The following ATE1 variants were observed in gnomAD, a reference collection of about 807,000 sequenced individuals.
The protein encoded by ATE1 is arginyl-tRNA--protein transferase 1.
ATE1 carries 36 observed loss-of-function variants against 70.5 expected under a neutral mutation model. That is an observed-to-expected ratio of 0.51 (90% CI 0.39 to 0.67). ATE1 has a LOEUF of 0.67. ATE1 is among the 30% of genes least tolerant of loss of function. The pLI, the probability that ATE1 is intolerant of heterozygous loss-of-function variation, is 0.00. For synonymous variants in ATE1, 232 were observed against 219.3 expected (o/e 1.06, Z -0.51); for missense variants, 593 against 629.5 (o/e 0.94, Z 0.62).
chr10:121,836,700 T>C lies in ATE1; in HGVS notation c.1257+18A>G. On this transcript the variant is annotated intron_variant, in intron 10 of 11. Transcript: ENST00000224652. Reference sequence around the variant, plus strand: ...TTTTTCTATAATAAAAATACACATATGTGAAAATCAACTTTACCTTATATT... The same window carrying C: ...TTTTTCTATAATAAAAATACACATACGTGAAAATCAACTTTACCTTATATT... The C allele has an allele frequency of 7.2e-7, 1 of 1,395,490 alleles. No individual in the cohort carries two copies. Among genetic ancestry groups the C allele is most frequent in the South Asian group, 1.3e-5 (1 of 77,702 alleles). The allele number at this position is 1,395,490 out of a possible 1,614,324, so 86.4% of individuals were successfully genotyped here. A position where few individuals can be genotyped will look rare whatever the true frequency, so the allele number is the denominator to read the frequency against.
At chr10:121,773,337 A>C in intron 11 of ATE1, among the ~76,000 whole-genome samples, 1 of 152,232 alleles carries the variant, frequency 6.6e-6, no homozygotes, top group East Asian at 1.9e-4. Context: ...GTCATTCAAT[A>C]AGCAAGGTAA....
chr10:121,920,883 A>G (rs974605887), intron 3 of ATE1, among the ~76,000 whole-genome samples: 1 of 151,476 alleles, frequency 6.6e-6, no homozygotes, highest in African/African-American at 2.4e-5. Context: ...AATCCCAGCT[A>G]CTCGGGAGGC....
At position 121,889,026 on chromosome 10, in the gene ATE1, T is replaced by A. The variant is rs561646463; in HGVS notation, c.942+10840A>T. Among the ~76,000 whole-genome samples, 8 of 152,228 alleles carry A rather than the reference T, an allele frequency of 5.3e-5. No homozygotes were observed. In the South Asian group the frequency reaches 1.7e-3, roughly 32 times the overall value. On this transcript the variant is annotated intron_variant, in intron 7 of 11. Coordinates refer to ENST00000224652, the MANE Select transcript of ATE1 (RefSeq NM_001001976.3). ...AGTAATCAACTTATTTATTTATTTATTTTTTTGAGACAGAGTCTCATTCTG... is the reference window on the plus strand; with the variant it reads ...AGTAATCAACTTATTTATTTATTTAATTTTTTGAGACAGAGTCTCATTCTG...
At chr10:121,790,962 A>ATATGTG (rs369054737) in intron 10 of ATE1, among the ~76,000 whole-genome samples, 46,801 of 150,822 alleles carry the variant, frequency 0.31, 7,517 homozygotes, top group Middle Eastern at 0.35. Flanking sequence ...GTATATATAT[A>ATATGTG]TGTGTGTGTA....
At chr10:121,848,293 T>TTCAC (rs1948915664) in intron 8 of ATE1, among the ~76,000 whole-genome samples, 1 of 92,970 alleles carries the variant, frequency 1.1e-5, no homozygotes, top group Admixed American at 9.6e-5. Context: ...CGTTCATTCA[T>TTCAC]TCATTCATTC....
chr10:121,859,184 T>C (rs1949373625), intron 8 of ATE1, among the ~76,000 whole-genome samples: 1 of 152,222 alleles, frequency 6.6e-6, no homozygotes, highest in South Asian at 2.1e-4. Flanking sequence ...ATAATGCTCA[T>C]ATAAAACAGT....
intron 7 of ATE1, among the ~76,000 whole-genome samples, chr10:121,891,938 A>C (rs1214108705): frequency 1.3e-5 from 2 of 152,236 alleles, no homozygotes; most frequent in East Asian, 1.9e-4. Flanking sequence ...AGTCAGTATA[A>C]TGCAAACTTT....
At chr10:121,904,545 G>A (rs1414591809) in intron 5 of ATE1, among the ~76,000 whole-genome samples, 1 of 150,402 alleles carries the variant, frequency 6.6e-6, no homozygotes, top group Non-Finnish European at 1.5e-5. Context: ...GGAGGCTGAG[G>A]CAGGAGAATT....
chr10:121,760,977 G>A (rs961954421), intron 11 of ATE1, among the ~76,000 whole-genome samples: 2 of 152,178 alleles, frequency 1.3e-5, no homozygotes, highest in African/African-American at 4.8e-5. Context: ...TTGGGTCATG[G>A]GGGTGGATCC....
intron 11 of ATE1, among the ~76,000 whole-genome samples, chr10:121,752,234 G>T (rs1394139493): frequency 4.9e-5 from 6 of 122,224 alleles, no homozygotes; most frequent in Non-Finnish European, 8.5e-5. Flanking sequence ...TATTTCTAAG[G>T]TTTTTTTTTT....
At chr10:121,832,963 G>A (rs1173554020) in intron 10 of ATE1, among the ~76,000 whole-genome samples, 1 of 152,156 alleles carries the variant, frequency 6.6e-6, no homozygotes, top group East Asian at 1.9e-4. Flanking sequence ...CAAACAGAGA[G>A]AGCCTTGACA....
intron 11 of ATE1, among the ~76,000 whole-genome samples, chr10:121,755,677 C>T (rs1274787360): frequency 6.6e-6 from 1 of 152,178 alleles, no homozygotes; most frequent in Non-Finnish European, 1.5e-5. Flanking sequence ...TCATGTCTTA[C>T]ATGGATGGTG....
intron 7 of ATE1, among the ~76,000 whole-genome samples, chr10:121,884,631 A>T (rs1456614746): frequency 6.6e-6 from 1 of 152,096 alleles, no homozygotes; most frequent in Non-Finnish European, 1.5e-5. Context: ...AGTGGAAGGG[A>T]GAGAAGAAAC....
intron 10 of ATE1, among the ~76,000 whole-genome samples, chr10:121,797,196 TAA>T (rs931414405): frequency 4.6e-5 from 7 of 152,174 alleles, no homozygotes; most frequent in African/African-American, 1.7e-4. Context: ...CAAACAACAC[TAA>T]GAGACTTTCC....
At chr10:121,872,850 A>G (rs1376030192) in intron 7 of ATE1, among the ~76,000 whole-genome samples, 1 of 152,142 alleles carries the variant, frequency 6.6e-6, no homozygotes, top group Non-Finnish European at 1.5e-5. Context: ...CTATATTAAT[A>G]GGACTACTTA....
In ATE1 at chr10:121,789,175, T is replaced by A. The variant is rs140780458; in HGVS notation, c.1378+994A>T. ...ACAGCTAGTAGGTCCTATTATTACC[T>A]CCATTTTAAAAGTGAGAAATCTGAG... On this transcript the variant is annotated intron_variant, in intron 11 of 11. Transcript: ENST00000224652. Among the ~76,000 whole-genome samples the A allele has an allele frequency of 1.1e-4, 16 of 152,118 alleles. No individual in the cohort carries two copies. The East Asian group carries it at 2.7e-3, about 26-fold the overall frequency.
At chr10:121,873,997 A>G (rs778619584) in intron 7 of ATE1, among the ~76,000 whole-genome samples, 2 of 152,174 alleles carry the variant, frequency 1.3e-5, no homozygotes, top group Non-Finnish European at 2.9e-5. Context: ...TCACATTAAC[A>G]AAATATACTT....
chr10:121,766,551 C>A (rs1478634800), intron 11 of ATE1, among the ~76,000 whole-genome samples: 1 of 151,960 alleles, frequency 6.6e-6, no homozygotes, highest in Non-Finnish European at 1.5e-5. Flanking sequence ...CTATTCCCGG[C>A]AAAACACTGA....
chr10:121,823,820 C>T (rs1485617802), intron 10 of ATE1, among the ~76,000 whole-genome samples: 2 of 152,164 alleles, frequency 1.3e-5, no homozygotes, highest in African/African-American at 2.4e-5. Flanking sequence ...ATGGCAAGTG[C>T]TTTAGGATAC....
Sources: gnomAD v4.1 joint callset for allele counts (sites outside exome capture counted in the v4.1 genomes callset) on GRCh38, gnomAD v4.1.1 for gene constraint, MANE v1.5 for transcripts, NCBI Gene and HGNC (gene_info 2026-07-23, HGNC 2026-07-21) for gene names.